HACE1: variants seen among roughly 807,000 people sequenced by gnomAD.
HACE1 encodes E3 ubiquitin-protein ligase HACE1.
Under a neutral mutation model 118.4 loss-of-function variants are expected in HACE1, and 73 were observed. That is an observed-to-expected ratio of 0.62 (90% confidence interval 0.51 to 0.75). The LOEUF is 0.75. HACE1 is among the 30% of genes least tolerant of loss of function. The pLI is 0.00. For missense variants in HACE1, 749 were observed against 1,102.2 expected, an observed-to-expected ratio of 0.68 and a Z score of 4.54; for synonymous variants, 368 against 374.8, an observed-to-expected ratio of 0.98 and a Z score of 0.21.
chr6:104,729,607 T>G lies in HACE1; in HGVS notation c.*55A>C, dbSNP rs1774983708. 1.1e-6 allele frequency: 1 copy of G among 896,242 alleles called. No homozygotes were observed. 55.5% of individuals were successfully genotyped at this position (896,242 alleles called of 1,614,324 possible). A position where few individuals can be genotyped will look rare whatever the true frequency, so the allele number is the denominator to read the frequency against. On this transcript the variant is annotated 3_prime_UTR_variant, in exon 24 of 24. Transcript: ENST00000262903. ...CTTTTTTGTTGACATTTTCCCAAAT[T>G]ACTTCTGCCATTCTGAATTGTGCAT...
chr6:104,751,255 C>T (rs1486889347), intron 19 of HACE1, among the ~76,000 whole-genome samples: 1 of 152,186 alleles, frequency 6.6e-6, no homozygotes, highest in East Asian at 1.9e-4. Context: ...TATATACCAA[C>T]TTCTAAAAAG....
chr6:104,730,234 T>G, intron 23 of HACE1, 69 bp downstream of exon 23: 1 of 827,880 alleles, frequency 1.2e-6, no homozygotes, highest in Non-Finnish European at 2.1e-6. Flanking sequence ...CAGCAACAGT[T>G]AGATCTCTGA....
intron 7 of HACE1, among the ~76,000 whole-genome samples, chr6:104,801,651 C>T (rs887473422): frequency 2.0e-5 from 3 of 152,144 alleles, no homozygotes. Flanking sequence ...AAATCCTTTA[C>T]AGACATGCAA....
In HACE1 at chr6:104,784,179, AG is replaced by A; in HGVS notation, c.1479-7del. On this transcript the variant is annotated splice_polypyrimidine_tract_variant and splice_region_variant and intron_variant, in intron 13 of 23. Coordinates refer to ENST00000262903, the MANE Select transcript of HACE1 (RefSeq NM_020771.4). The stretch of plus-strand genomic sequence containing the variant: ...CAAATATAATTTTGGGATTTCTAAA[AG>A]AAAAATATTTTGTTTAAATGGACAG... 6.6e-7 allele frequency: 1 copy of A among 1,503,974 alleles called. No individual in the cohort carries two copies. Among genetic ancestry groups the A allele is most frequent in the Non-Finnish European group, 9.3e-7 (1 of 1,079,618 alleles). 93.2% of individuals were successfully genotyped at this position (1,503,974 alleles called of 1,614,324 possible).
chr6:104,776,825 G>A lies in HACE1; in HGVS notation c.1780C>T (p.Gln594Ter). The A allele has an allele frequency of 6.3e-7, 1 of 1,598,624 alleles. No individual in the cohort carries two copies. Among genetic ancestry groups the A allele is most frequent in the Non-Finnish European group, 8.6e-7 (1 of 1,166,030 alleles). Reference sequence around the variant, plus strand: ...TCAAACCACTCACGCACAACACCTTGACCCTGAATTCAAGAAATAAAATTA... The same window carrying A: ...TCAAACCACTCACGCACAACACCTTAACCCTGAATTCAAGAAATAAAATTA... ...VRFHGEEGMG[Q>*]GVVREWFDIL... Residue 594 changes from glutamine to a stop codon, truncating the protein, a stop_gained, in exon 17 of 24, where the codon CAA (glutamine) becomes TAA (stop). Coordinates refer to ENST00000262903, the MANE Select transcript of HACE1 (RefSeq NM_020771.4). LOFTEE classifies it high-confidence loss of function.
chr6:104,744,184 A>G lies in HACE1; in HGVS notation c.2489T>C (p.Leu830Pro). The G allele has an allele frequency of 6.2e-7, 1 of 1,602,328 alleles. No homozygotes were observed. Among genetic ancestry groups the G allele is most frequent in the Non-Finnish European group, 8.6e-7 (1 of 1,169,448 alleles). Residue 830 changes from leucine (L) to proline (P), a missense_variant, in exon 22 of 24, where the codon CTT (leucine) becomes CCT (proline). By Grantham distance (98) the Leu-to-Pro change is moderately conservative. Transcript: ENST00000262903. ...VEDITQEERV[L>P]LLQFVTGSSR... Reference sequence around the variant, plus strand: ...CCTGCCCGTAACAAACTGTAAGAGAAGAACTCTCTCCTCTTGAGTAATGTC... The same window carrying G: ...CCTGCCCGTAACAAACTGTAAGAGAGGAACTCTCTCCTCTTGAGTAATGTC...
chr6:104,851,545 T>A (rs927442302), intron 2 of HACE1, among the ~76,000 whole-genome samples: 2 of 152,208 alleles, frequency 1.3e-5, no homozygotes, highest in African/African-American at 2.4e-5. Context: ...AATCCTATGT[T>A]ACCTGCTCTT....
intron 1 of HACE1, 43 bp downstream of exon 1, chr6:104,859,524 G>A (rs868257805): frequency 7.1e-7 from 1 of 1,416,472 alleles, no homozygotes. Context: ...CCCACTGGCC[G>A]CCCCCAGCCC....
At chr6:104,735,724 AAATG>A (rs1453726367) in intron 22 of HACE1, among the ~76,000 whole-genome samples, 3 of 152,182 alleles carry the variant, frequency 2.0e-5, no homozygotes, top group Non-Finnish European at 4.4e-5. Flanking sequence ...TCTAGAAGAT[AAATG>A]AATATATATC....
At chr6:104,779,007 G>T (rs1781484625) in intron 14 of HACE1, among the ~76,000 whole-genome samples, 1 of 152,142 alleles carries the variant, frequency 6.6e-6, no homozygotes, top group Non-Finnish European at 1.5e-5. Flanking sequence ...GGAGATACTG[G>T]ACAGTGATGC....
intron 6 of HACE1, among the ~76,000 whole-genome samples, chr6:104,829,299 A>G (rs1056112017): frequency 6.6e-6 from 1 of 152,102 alleles, no homozygotes; most frequent in African/African-American, 2.4e-5. Flanking sequence ...CCTTTATCCT[A>G]TAACATCATA....
intron 2 of HACE1, 95 bp downstream of exon 2, chr6:104,852,222 T>C (rs1034974391): frequency 2.8e-6 from 2 of 717,114 alleles, no homozygotes; most frequent in African/African-American, 2.0e-5. Flanking sequence ...TGTGTGTGTG[T>C]GTGTGTGCGC....
intron 20 of HACE1, 34 bp downstream of exon 20, chr6:104,750,307 G>A: frequency 6.3e-7 from 1 of 1,576,424 alleles, no homozygotes; most frequent in African/African-American, 1.3e-5. Flanking sequence ...TTTTGTTGTT[G>A]TGTTACAACA....
intron 7 of HACE1, among the ~76,000 whole-genome samples, chr6:104,804,857 T>A (rs1253559385): frequency 6.6e-6 from 1 of 151,858 alleles, no homozygotes; most frequent in Non-Finnish European, 1.5e-5. Flanking sequence ...AACAGACAAA[T>A]GGGATCTAAT....
intron 7 of HACE1, among the ~76,000 whole-genome samples, chr6:104,806,218 T>C (rs1582568996): frequency 6.6e-6 from 1 of 152,130 alleles, no homozygotes; most frequent in South Asian, 2.1e-4. Flanking sequence ...TCTCAGCACT[T>C]TGGGAGGCTT....
At chr6:104,800,358 C>T (rs767060211) in intron 7 of HACE1, among the ~76,000 whole-genome samples, 9 of 152,182 alleles carry the variant, frequency 5.9e-5, no homozygotes, top group Non-Finnish European at 1.3e-4. Flanking sequence ...CAGAAGAGAG[C>T]AGTGGTTCTC....
chr6:104,742,780 A>C (rs1452025085), intron 22 of HACE1, among the ~76,000 whole-genome samples: 1 of 152,064 alleles, frequency 6.6e-6, no homozygotes, highest in Non-Finnish European at 1.5e-5. Flanking sequence ...TAGAACTGGA[A>C]ATACCATTTG....
At chr6:104,800,492 G>A (rs914948701) in intron 7 of HACE1, among the ~76,000 whole-genome samples, 24 of 152,110 alleles carry the variant, frequency 1.6e-4, no homozygotes, top group Admixed American at 4.6e-4. Flanking sequence ...ATAGGCGGGT[G>A]CCCCTCTGGG....
At chr6:104,859,485 C>A in intron 1 of HACE1, 82 bp downstream of exon 1, 1 of 1,064,942 alleles carries the variant, frequency 9.4e-7, no homozygotes, top group Non-Finnish European at 1.3e-6. Flanking sequence ...AGTTTTTCCA[C>A]CCGACCTTGA....
Sources: gnomAD v4.1 joint callset for allele counts (sites outside exome capture counted in the v4.1 genomes callset) on GRCh38, gnomAD v4.1.1 for gene constraint, MANE v1.5 for transcripts, NCBI Gene and HGNC (gene_info 2026-07-23, HGNC 2026-07-21) for gene names.